The following NALF1 variants were observed in gnomAD, a reference collection of about 807,000 sequenced individuals.
NALF1 encodes the protein NALCN channel auxiliary factor 1, also known as family with sequence similarity 155 member A.
Under a neutral mutation model 48.4 loss-of-function variants are expected in NALF1, and 3 were observed. The ratio of observed to expected loss-of-function variants is 0.06; its 90% confidence interval spans 0.03 to 0.16. NALF1 has a LOEUF of 0.16. Among genes scored for constraint, NALF1 ranks in the 10% least tolerant of loss-of-function variants. The probability of loss-of-function intolerance (pLI) is 1.00; values close to 1 mark genes in which losing one functional copy is unlikely to be tolerated. For synonymous variants in NALF1, 262 were observed against 245.7 expected, an observed-to-expected ratio of 1.07 and a Z score of -0.62; for missense variants, 526 against 571.5, an observed-to-expected ratio of 0.92 and a Z score of 0.81.
chr13:107,523,029 T>C (rs1286026269), intron 1 of NALF1, among the ~76,000 whole-genome samples: 3 of 152,186 alleles, frequency 2.0e-5, no homozygotes, highest in Admixed American at 1.3e-4. Context: ...GTTTCTCATC[T>C]GAAACTACCA....
chr13:107,786,908 A>G (rs1878091843), intron 1 of NALF1, among the ~76,000 whole-genome samples: 1 of 152,210 alleles, frequency 6.6e-6, no homozygotes, highest in South Asian at 2.1e-4. Flanking sequence ...AGAGCGGAGC[A>G]AACAATGTTG....
chr13:107,756,444 T>TATATATATATATATATATATATATAC (rs201150584), intron 1 of NALF1, among the ~76,000 whole-genome samples: 12 of 150,604 alleles, frequency 8.0e-5, no homozygotes, highest in African/African-American at 2.4e-4. Flanking sequence ...GCTATATATA[T>TATATATATATATATATATATATATAC]ATATATATAT....
intron 1 of NALF1, among the ~76,000 whole-genome samples, chr13:107,783,159 G>A (rs1877963049): frequency 7.3e-6 from 1 of 137,000 alleles, no homozygotes; most frequent in Non-Finnish European, 1.6e-5. Flanking sequence ...GAGCCCCTCT[G>A]CCCGGCCAGC....
At chr13:107,241,148 T>G (rs1239143018) in intron 1 of NALF1, among the ~76,000 whole-genome samples, 1 of 151,518 alleles carries the variant, frequency 6.6e-6, no homozygotes, top group Non-Finnish European at 1.5e-5. Flanking sequence ...GAGCCGAGAT[T>G]GCACCACTGC....
At chr13:107,497,333 GAA>G (rs1272014296) in intron 1 of NALF1, among the ~76,000 whole-genome samples, 1 of 152,078 alleles carries the variant, frequency 6.6e-6, no homozygotes, top group East Asian at 1.9e-4. Flanking sequence ...TTATGTAACA[GAA>G]AAGTCATATA....
chr13:107,422,550 C>T (rs1884206886), intron 1 of NALF1, among the ~76,000 whole-genome samples: 1 of 152,020 alleles, frequency 6.6e-6, no homozygotes, highest in Admixed American at 6.6e-5. Flanking sequence ...ATTTTTACAA[C>T]TTCAACTTCC....
chr13:107,812,376 T>G (rs972176321), intron 1 of NALF1, among the ~76,000 whole-genome samples: 4 of 152,120 alleles, frequency 2.6e-5, no homozygotes, highest in African/African-American at 9.6e-5. Flanking sequence ...CTAAAACAGT[T>G]TGATCTTAGA....
intron 1 of NALF1, among the ~76,000 whole-genome samples, chr13:107,299,471 T>TAATAATAATAAA (rs1199620956): frequency 1.2e-4 from 6 of 51,498 alleles, no homozygotes; most frequent in South Asian, 1.1e-3. Context: ...ATAATAATAA[T>TAATAATAATAAA]AAATAAATAA....
intron 1 of NALF1, among the ~76,000 whole-genome samples, chr13:107,256,113 G>A (rs1459513898): frequency 6.6e-6 from 1 of 152,128 alleles, no homozygotes; most frequent in Non-Finnish European, 1.5e-5. Flanking sequence ...ACTAGTTGTT[G>A]AAAACAGACG....
intron 1 of NALF1, among the ~76,000 whole-genome samples, chr13:107,539,711 G>T (rs969435812): frequency 6.6e-6 from 1 of 152,024 alleles, no homozygotes; most frequent in Non-Finnish European, 1.5e-5. Flanking sequence ...ACATTATTTG[G>T]ATATTTACTG....
intron 1 of NALF1, among the ~76,000 whole-genome samples, chr13:107,668,296 T>C (rs1880909440): frequency 6.6e-6 from 1 of 152,060 alleles, no homozygotes. Context: ...ACTAACTCAC[T>C]TCTGAGGTTT....
At chr13:107,672,728 T>G (rs1881019607) in intron 1 of NALF1, among the ~76,000 whole-genome samples, 1 of 152,174 alleles carries the variant, frequency 6.6e-6, no homozygotes, top group African/African-American at 2.4e-5. Context: ...TGTCAATACT[T>G]TGACTCCTTC....
intron 1 of NALF1, among the ~76,000 whole-genome samples, chr13:107,807,384 T>A (rs1330391271): frequency 1.3e-5 from 2 of 152,156 alleles, no homozygotes; most frequent in Non-Finnish European, 2.9e-5. Flanking sequence ...GGCTTAACAC[T>A]TCAAATAGGG....
intron 1 of NALF1, among the ~76,000 whole-genome samples, chr13:107,443,926 A>G (rs1188449873): frequency 2.0e-5 from 3 of 152,210 alleles, no homozygotes; most frequent in African/African-American, 4.8e-5. Flanking sequence ...TTTATTAGCA[A>G]CATGAGGCAT....
intron 1 of NALF1, among the ~76,000 whole-genome samples, chr13:107,482,427 C>T (rs1050546672): frequency 6.6e-6 from 1 of 151,904 alleles, no homozygotes; most frequent in African/African-American, 2.4e-5. Context: ...GAGGATGTTA[C>T]TCCTCAATGA....
chr13:107,187,087 CTCT>C (rs1236934026), intron 2 of NALF1, among the ~76,000 whole-genome samples: 2 of 152,176 alleles, frequency 1.3e-5, no homozygotes, highest in Non-Finnish European at 2.9e-5. Flanking sequence ...TCTCTCTGAT[CTCT>C]TCTTCTGTCT....
chr13:107,703,130 G>T (rs1299067805), intron 1 of NALF1, among the ~76,000 whole-genome samples: 1 of 152,076 alleles, frequency 6.6e-6, no homozygotes, highest in African/African-American at 2.4e-5. Flanking sequence ...CTATTATGGT[G>T]TATGGGTGGA....
intron 1 of NALF1, among the ~76,000 whole-genome samples, chr13:107,381,522 T>C (rs1220903337): frequency 6.6e-6 from 1 of 152,068 alleles, no homozygotes; most frequent in Non-Finnish European, 1.5e-5. Context: ...AAAAGGGTAT[T>C]ATAGCCCTTT....
chr13:107,575,250 A>T (rs563971190), intron 1 of NALF1, among the ~76,000 whole-genome samples: 7 of 152,292 alleles, frequency 4.6e-5, no homozygotes, highest in South Asian at 2.1e-4. Context: ...AGGGGAAAAA[A>T]ACAGAACAGA....
Sources: allele counts gnomAD v4.1 joint callset (sites outside exome capture counted in the v4.1 genomes callset), GRCh38; gene constraint gnomAD v4.1.1; transcripts MANE v1.5; gene names NCBI Gene and HGNC (gene_info 2026-07-23, HGNC 2026-07-21).